The following RBAK variants were observed in gnomAD, a reference collection of about 807,000 sequenced individuals.
The protein encoded by RBAK is RB associated KRAB zinc finger.
RBAK carries 39 observed loss-of-function variants against 65.8 expected under a neutral mutation model. That is an observed-to-expected ratio of 0.59 (90% CI 0.46 to 0.77). RBAK has a LOEUF of 0.77. RBAK is among the 30% of genes least tolerant of loss of function. The probability of loss-of-function intolerance (pLI) is 0.00; values close to 1 mark genes in which losing one functional copy is unlikely to be tolerated. For synonymous variants in RBAK, 343 were observed against 289.7 expected (o/e 1.18, Z -1.87); for missense variants, 884 against 855.1 (o/e 1.03, Z -0.42).
rs1448872051 is a variant in RBAK at position 5,068,047 on chromosome 7, A to G, written c.*2446A>G. ...CTTAATATTAAATTTGAGAACTTCT[A>G]TTTATCAGAAAGACCACCAGTAAGA... On this transcript the variant is annotated 3_prime_UTR_variant, in exon 5 of 5. Coordinates refer to ENST00000396912, the MANE Select transcript of RBAK (RefSeq NM_021163.4). The G allele has an allele frequency of 6.6e-6, 1 of 152,200 alleles. No individual in the cohort carries two copies. The highest frequency in any genetic ancestry group is 6.5e-5 in the Admixed American group (1 of 15,268). The allele number at this position is 152,200 out of a possible 1,614,324, so 9.4% of individuals were successfully genotyped here.
chr7:5,052,459 GATTA>G (rs1287276216), intron 2 of RBAK, among the ~76,000 whole-genome samples: 1 of 152,008 alleles, frequency 6.6e-6, no homozygotes, highest in Admixed American at 6.6e-5. Context: ...CCTTCCTCTT[GATTA>G]ATTGATAATT....
At position 5,066,087 on chromosome 7, in the gene RBAK, A is replaced by T. The variant is rs1235059753; in HGVS notation, c.*486A>T. The stretch of plus-strand genomic sequence containing the variant: ...AGGAGTTGATCATGAGGACAGTAGC[A>T]TTAAATAAGTATATGGCCGTTTTTT... On this transcript the variant is annotated 3_prime_UTR_variant, in exon 5 of 5. Transcript: ENST00000396912. 1 of 152,708 alleles carries T rather than the reference A, an allele frequency of 6.5e-6. No individual in the cohort carries two copies. The highest frequency in any genetic ancestry group is 1.5e-5 in the Non-Finnish European group (1 of 68,088). The allele number at this position is 152,708 out of a possible 1,614,324, so 9.5% of individuals were successfully genotyped here.
rs1038350030 is a variant in RBAK at position 5,068,836 on chromosome 7, CAGTG to C, written c.*3238_*3241del. The C allele has an allele frequency of 2.6e-5, 4 of 152,176 alleles. No homozygotes were observed. Among genetic ancestry groups the C allele is most frequent in the Admixed American group, 6.5e-5 (1 of 15,268 alleles). 9.4% of individuals were successfully genotyped at this position (152,176 alleles called of 1,614,324 possible). On this transcript the variant is annotated 3_prime_UTR_variant, in exon 5 of 5. Coordinates refer to ENST00000396912, the MANE Select transcript of RBAK (RefSeq NM_021163.4). ...CATATGTCCATGGAATACTGTAAAA[CAGTG>C]AGCATGAATGAACTAGAAGTCCGTG...
intron 4 of RBAK, among the ~76,000 whole-genome samples, chr7:5,060,930 A>C (rs770655351): frequency 1.3e-5 from 2 of 152,226 alleles, no homozygotes; most frequent in African/African-American, 2.4e-5. Flanking sequence ...TGTAAGATAC[A>C]TAAAAATAAA....
rs1333872961 is a variant in RBAK, at chr7:5,064,848, A to G, written c.1392A>G (p.Lys464=). The G allele has an allele frequency of 2.5e-6, 4 of 1,614,084 alleles. No homozygotes were observed. Among genetic ancestry groups the G allele is most frequent in the Non-Finnish European group, 3.4e-6 (4 of 1,179,932 alleles). Residue 464 remains lysine, a synonymous_variant, in exon 5 of 5, where the codon AAA becomes AAG. Transcript: ENST00000396912. The surrounding 1 kb of genome is among the most constrained non-coding windows in gnomAD (Gnocchi z 6.3). ...EKPYECNECG[K]TFNLNSAFIR... ...CCTATGAATGTAATGAATGTGGCAAAACCTTCAATTTAAATTCAGCCTTCA... is the reference window on the plus strand; with the variant it reads ...CCTATGAATGTAATGAATGTGGCAAGACCTTCAATTTAAATTCAGCCTTCA...
intron 4 of RBAK, among the ~76,000 whole-genome samples, chr7:5,061,164 T>C (rs1052818071): frequency 6.6e-6 from 1 of 152,220 alleles, no homozygotes; most frequent in Non-Finnish European, 1.5e-5. Context: ...AGTTTACATG[T>C]ACTAATTCAG....
rs755477176 is a variant in RBAK at position 5,063,850 on chromosome 7, A to G, written c.394A>G (p.Ile132Val). 12 of 1,614,110 alleles carry G rather than the reference A, an allele frequency of 7.4e-6. No homozygotes were observed. The highest frequency in any genetic ancestry group is 9.3e-6 in the Non-Finnish European group (11 of 1,180,004). ...YMETSLVPSS[I>V]IAHNCVSCGK... Reference sequence around the variant, plus strand: ...GGAAACAAGCCTTGTTCCTTCAAGCATAATAGCTCATAATTGTGTCTCATG... The same window carrying G: ...GGAAACAAGCCTTGTTCCTTCAAGCGTAATAGCTCATAATTGTGTCTCATG... Residue 132 changes from isoleucine (I) to valine (V), a missense_variant, in exon 5 of 5, where the codon ATA becomes GTA. By Grantham distance (29) the Ile-to-Val change is conservative. Transcript: ENST00000396912.
Position 5,046,059 on chromosome 7 carries a change from C to T in RBAK, c.-382C>T, listed in dbSNP as rs1787969369. The stretch of plus-strand genomic sequence containing the variant: ...TGAGCGGGGACCCCCGAGCTTGAGC[C>T]CCGGAGCCGGCGGCGCTGGGGCCAG... On this transcript the variant is annotated 5_prime_UTR_variant, in exon 1 of 5. Coordinates refer to ENST00000396912, the MANE Select transcript of RBAK (RefSeq NM_021163.4). 3.5e-6 allele frequency: 1 copy of T among 283,180 alleles called. No individual in the cohort carries two copies. The highest frequency in any genetic ancestry group is 6.7e-6 in the Non-Finnish European group (1 of 148,516). The allele number at this position is 283,180 out of a possible 1,614,324, so 17.5% of individuals were successfully genotyped here.
In RBAK at chr7:5,064,347, C is replaced by T. The variant is rs267601539; in HGVS notation, c.891C>T (p.Ser297=). The T allele has an allele frequency of 1.2e-6, 2 of 1,613,944 alleles. No individual in the cohort carries two copies. Among genetic ancestry groups the T allele is most frequent in the Admixed American group, 3.3e-5 (2 of 59,978 alleles). The change falls in exon 5 of 5, where the codon TCC becomes TCT. Residue 297 remains serine (S), a synonymous_variant. Coordinates refer to ENST00000396912, the MANE Select transcript of RBAK (RefSeq NM_021163.4). The surrounding 1 kb of genome is among the most constrained non-coding windows in gnomAD (Gnocchi z 6.3). ...KPYECNVCGK[S]FSQKGTLTVH... ...ATGAATGTAATGTATGTGGGAAATCCTTCAGCCAAAAGGGAACCCTCACTG... is the reference window on the plus strand; with the variant it reads ...ATGAATGTAATGTATGTGGGAAATCTTTCAGCCAAAAGGGAACCCTCACTG...
In RBAK at chr7:5,046,096, GGGAGGTGGC is replaced by G. The variant is rs939122485; in HGVS notation, c.-333_-325del. ...GGCGCTGGGGCCAGAGGGGCCGGACGGGAGGTGGCGGAGGTGGCGGCGGAGGCGAAGGGG... is the reference window on the plus strand; with the variant it reads ...GGCGCTGGGGCCAGAGGGGCCGGACGGGAGGTGGCGGCGGAGGCGAAGGGG... On this transcript the variant is annotated 5_prime_UTR_variant, in exon 1 of 5. Coordinates refer to ENST00000396912, the MANE Select transcript of RBAK (RefSeq NM_021163.4). 5.4e-5 allele frequency: 17 copies of G among 311,932 alleles called. No homozygotes were observed. Among genetic ancestry groups the G allele is most frequent in the Admixed American group, 1.6e-4 (3 of 19,200 alleles). The allele number at this position is 311,932 out of a possible 1,614,324, so 19.3% of individuals were successfully genotyped here. A position where few individuals can be genotyped will look rare whatever the true frequency, so the allele number is the denominator to read the frequency against.
intron 2 of RBAK, among the ~76,000 whole-genome samples, chr7:5,052,761 A>G (rs1788144539): frequency 1.3e-5 from 2 of 151,822 alleles, no homozygotes; most frequent in Admixed American, 6.6e-5. Flanking sequence ...TGATTGATTG[A>G]TTGATTGATT....
rs746192169 is a variant in RBAK at position 5,065,187 on chromosome 7, C to T, written c.1731C>T (p.Ser577=). 1.2e-6 allele frequency: 2 copies of T among 1,613,408 alleles called. No individual in the cohort carries two copies. The highest frequency in any genetic ancestry group is 1.7e-6 in the Non-Finnish European group (2 of 1,179,768). The change falls in exon 5 of 5, where the codon TCC becomes TCT. Residue 577 remains serine (S), a synonymous_variant. Transcript: ENST00000396912. The surrounding 1 kb of genome is among the most constrained non-coding windows in gnomAD (Gnocchi z 5.3). ...YGCSECGKTF[S]HNSSLFRHQR... is the part of the protein sequence containing the mutation. ...GTAGCGAATGTGGGAAAACCTTTTC[C>T]CATAATTCATCCCTCTTCAGACATC... is the stretch of plus-strand genomic sequence containing the variant.
At chr7:5,052,287 T>G (rs537720238) in intron 2 of RBAK, among the ~76,000 whole-genome samples, 31 of 152,316 alleles carry the variant, frequency 2.0e-4, no homozygotes, top group African/African-American at 7.5e-4. Flanking sequence ...ATTTGGATCT[T>G]GCTTGTTTTC....
chr7:5,060,015 A>C (rs1779031653), intron 4 of RBAK, among the ~76,000 whole-genome samples: 1 of 152,214 alleles, frequency 6.6e-6, no homozygotes, highest in Non-Finnish European at 1.5e-5. Flanking sequence ...ATATGCTCTG[A>C]GTATAAGCTC....
In RBAK at chr7:5,057,431, G is replaced by A. The variant is rs1778956342; in HGVS notation, c.142+10G>A. The A allele has an allele frequency of 9.3e-6, 15 of 1,614,128 alleles. No individual in the cohort carries two copies. Among genetic ancestry groups the A allele is most frequent in the Non-Finnish European group, 1.3e-5 (15 of 1,180,000 alleles). On this transcript the variant is annotated intron_variant, in intron 3 of 4. Transcript: ENST00000396912. ...CATCTAGTTTCTGTGGGTGAGAATA[G>A]CTTGCTTTCTGAATGCTCTCAGTTG...
chr7:5,046,329 G>T lies in RBAK; in HGVS notation c.-112G>T, dbSNP rs1275901903. 1 of 515,436 alleles carries T rather than the reference G, an allele frequency of 1.9e-6. No individual in the cohort carries two copies. Among genetic ancestry groups the T allele is most frequent in the South Asian group, 1.4e-5 (1 of 71,312 alleles). The allele number at this position is 515,436 out of a possible 1,614,324, so 31.9% of individuals were successfully genotyped here. Reference sequence around the variant, plus strand: ...GAGGGGACCTCGCGAGCAGACGCGCGCCAGCGACAGCAGCCCCGCCCCGGC... The same window carrying T: ...GAGGGGACCTCGCGAGCAGACGCGCTCCAGCGACAGCAGCCCCGCCCCGGC... On this transcript the variant is annotated 5_prime_UTR_variant, in exon 1 of 5. Transcript: ENST00000396912.
At chr7:5,047,601 CTTTT>C (rs1037439035) in intron 1 of RBAK, among the ~76,000 whole-genome samples, 10 of 100,914 alleles carry the variant, frequency 9.9e-5, no homozygotes, top group African/African-American at 1.2e-4. Context: ...TTTTCACTCT[CTTTT>C]TTTTTTTTTT....
chr7:5,054,920 C>T (rs1583455788), intron 2 of RBAK, among the ~76,000 whole-genome samples: 1 of 151,816 alleles, frequency 6.6e-6, no homozygotes, highest in African/African-American at 2.4e-5. Flanking sequence ...GGTAAGTTGA[C>T]CTTAATAATA....
In RBAK at chr7:5,065,788, AG is replaced by A; in HGVS notation, c.*188del. On this transcript the variant is annotated 3_prime_UTR_variant, in exon 5 of 5. Coordinates refer to ENST00000396912, the MANE Select transcript of RBAK (RefSeq NM_021163.4). This position sits in a 1 kb window ranked among gnomAD's most constrained non-coding sequence, Gnocchi z 5.3. ...GAATGTAACAAGAAGCAAAGCCTTC[AG>A]CAAGATCATACGACTCATCGGACAC... 1 of 432,250 alleles carries A rather than the reference AG, an allele frequency of 2.3e-6. No homozygotes were observed. The highest frequency in any genetic ancestry group is 4.0e-6 in the Non-Finnish European group (1 of 247,608). 26.8% of individuals were successfully genotyped at this position (432,250 alleles called of 1,614,324 possible).
Sources: allele counts gnomAD v4.1 joint callset (sites outside exome capture counted in the v4.1 genomes callset), GRCh38; gene constraint gnomAD v4.1.1; non-coding constraint Gnocchi (gnomAD v3.1); transcripts MANE v1.5; gene names NCBI Gene and HGNC (gene_info 2026-07-23, HGNC 2026-07-21).